CC2D2B: variants seen among roughly 807,000 people sequenced by gnomAD.
CC2D2B encodes coiled-coil and C2 domain containing 2B, also known as protein CC2D2B.
Under a neutral mutation model 161.2 loss-of-function variants are expected in CC2D2B, and 128 were observed. The ratio of observed to expected loss-of-function variants is 0.79; its 90% confidence interval spans 0.69 to 0.92. The LOEUF (loss-of-function observed/expected upper bound fraction) is 0.92, where lower values mean the gene tolerates loss of function less well. CC2D2B is among the 40% of genes least tolerant of loss of function. CC2D2B has a pLI of 0.00. For missense variants in CC2D2B, 1,173 were observed against 1,375.1 expected (o/e 0.85, Z 2.32); for synonymous variants, 391 against 449.8 (o/e 0.87, Z 1.65).
chr10:96,013,117 TAGA>T (rs1423635346), intron 28 of CC2D2B, among the ~76,000 whole-genome samples: 1 of 152,212 alleles, frequency 6.6e-6, no homozygotes. Context: ...GTCACCAGTG[TAGA>T]AGGTCATAAT....
chr10:96,013,682 A>G, intron 28 of CC2D2B, 106 bp from the exon 29 acceptor site: 1 of 594,216 alleles, frequency 1.7e-6, no homozygotes, highest in Non-Finnish European at 2.9e-6. Flanking sequence ...AATAGTGTCT[A>G]CTTTTATAGG....
rs2080091253 is a variant in CC2D2B, at chr10:96,032,202, A to T, written c.*194A>T. ...GAGTCTTTGAGGAGGAGTCTAGATG[A>T]GCTTCTCACCAGAGACCTCTCCAGG... On this transcript the variant is annotated 3_prime_UTR_variant, in exon 35 of 35. Transcript: ENST00000646931. 3.7e-6 allele frequency: 2 copies of T among 537,528 alleles called. No individual in the cohort carries two copies. Among genetic ancestry groups the T allele is most frequent in the African/African-American group, 3.8e-5 (2 of 53,068 alleles). The allele number at this position is 537,528 out of a possible 1,614,324, so 33.3% of individuals were successfully genotyped here. A position where few individuals can be genotyped will look rare whatever the true frequency, so the allele number is the denominator to read the frequency against.
intron 22 of CC2D2B, among the ~76,000 whole-genome samples, chr10:95,993,946 G>GTATATATA (rs1424075597): frequency 2.8e-4 from 8 of 29,000 alleles, no homozygotes; most frequent in Non-Finnish European, 6.7e-4. Context: ...GTGTGTGTAT[G>GTATATATA]TATGTGTATA....
At chr10:96,029,282 A>ATATG (rs1302615928) in intron 34 of CC2D2B, among the ~76,000 whole-genome samples, 3 of 53,262 alleles carry the variant, frequency 5.6e-5, no homozygotes, top group Admixed American at 2.1e-4. Flanking sequence ...ATATATATAT[A>ATATG]TATGTATATA....
chr10:95,993,184 C>T (rs1036356430), intron 22 of CC2D2B: 1 of 155,164 alleles, frequency 6.4e-6, no homozygotes, highest in African/African-American at 2.4e-5. Context: ...GTAACATCTA[C>T]AAATTGTATG....
In CC2D2B at chr10:95,988,344, TAAC is replaced by T. The variant is rs146564502; in HGVS notation, c.2379+7_2379+9del. On this transcript the variant is annotated splice_donor_5th_base_variant and intron_variant, in intron 20 of 34. Transcript: ENST00000646931. ...AATTCTGCCAATTTTCTGAAAAAGG[TAAC>T]AACACAGTATTATCAATATATTTGC... 0.022 allele frequency: 26,279 copies of T among 1,194,862 alleles called. 519 individuals carry two copies. The highest frequency in any genetic ancestry group is 0.094 in the African/African-American group (5,972 of 63,472). The allele number at this position is 1,194,862 out of a possible 1,614,324, so 74.0% of individuals were successfully genotyped here. A position where few individuals can be genotyped will look rare whatever the true frequency, so the allele number is the denominator to read the frequency against.
intron 34 of CC2D2B, 56 bp downstream of exon 34, chr10:96,027,445 C>A (rs2141971801): frequency 2.4e-6 from 3 of 1,241,316 alleles, no homozygotes; most frequent in Middle Eastern, 2.1e-4. Context: ...TTGTTAATTG[C>A]TAAATAATAG....
intron 2 of CC2D2B, chr10:95,918,885 A>G (rs557471158): frequency 1.2e-4 from 19 of 152,096 alleles, no homozygotes; most frequent in African/African-American, 2.7e-4. Flanking sequence ...TGCTTGATCA[A>G]TTCTAATGTT....
chr10:95,995,086 GAGT>G (rs1417494711), intron 22 of CC2D2B, among the ~76,000 whole-genome samples, 180 bp from the exon 23 acceptor site: 1 of 152,154 alleles, frequency 6.6e-6, no homozygotes, highest in Admixed American at 6.5e-5. Context: ...TGCGCTTCCA[GAGT>G]AGTAATTATC....
intron 12 of CC2D2B, among the ~76,000 whole-genome samples, chr10:95,964,486 TGTC>T (rs2076873472): frequency 6.6e-6 from 1 of 152,158 alleles, no homozygotes; most frequent in South Asian, 2.1e-4. Flanking sequence ...AGTTTACTGA[TGTC>T]GTATTGATTG....
At chr10:95,962,716 A>G (rs1023288994) in intron 12 of CC2D2B, among the ~76,000 whole-genome samples, 2 of 151,942 alleles carry the variant, frequency 1.3e-5, no homozygotes, top group Non-Finnish European at 2.9e-5. Context: ...ATTTCAGGCA[A>G]ATAAGAAAAA....
chr10:95,992,563 A>G lies in CC2D2B; in HGVS notation c.2508A>G (p.Pro836=). 8.1e-7 allele frequency: 1 copy of G among 1,234,264 alleles called. No individual in the cohort carries two copies. Among genetic ancestry groups the G allele is most frequent in the South Asian group, 4.1e-5 (1 of 24,410 alleles). The allele number at this position is 1,234,264 out of a possible 1,614,324, so 76.5% of individuals were successfully genotyped here. A position where few individuals can be genotyped will look rare whatever the true frequency, so the allele number is the denominator to read the frequency against. Residue 836 remains proline, a synonymous_variant, in exon 22 of 35, where the codon CCA becomes CCG. Transcript: ENST00000646931. ...LTDAVCKFVE[P]RRKLKPQRKE... ...ATGCAGTTTGTAAGTTTGTTGAACC[A>G]CGGAGAAAGTTAAAACCTCAGAGGA...
chr10:95,994,963 A>G (rs2078174070), intron 22 of CC2D2B, among the ~76,000 whole-genome samples: 1 of 152,170 alleles, frequency 6.6e-6, no homozygotes, highest in African/African-American at 2.4e-5. Context: ...CCCACAATAT[A>G]TATTTTAATT....
At chr10:95,961,540 A>G (rs192146290) in intron 11 of CC2D2B, 9 of 189,390 alleles carry the variant, frequency 4.8e-5, no homozygotes, top group African/African-American at 1.6e-4. Context: ...AGAAAAAAAA[A>G]TCTCGTAGAA....
intron 9 of CC2D2B, among the ~76,000 whole-genome samples, chr10:95,947,082 A>AAAATATATATAT (rs1467752343): frequency 2.5e-5 from 1 of 39,482 alleles, no homozygotes; most frequent in African/African-American, 8.9e-5. Context: ...TGGACTCAAA[A>AAAATATATATAT]ATATATATAT....
chr10:96,003,584 A>G (rs1417245005), intron 24 of CC2D2B, among the ~76,000 whole-genome samples: 2 of 68,668 alleles, frequency 2.9e-5, no homozygotes, highest in African/African-American at 1.3e-4. Flanking sequence ...AGGCCCGGCT[A>G]ATTGTGTGTG....
intron 22 of CC2D2B, among the ~76,000 whole-genome samples, chr10:95,994,947 C>T (rs1182133472): frequency 6.6e-6 from 1 of 152,136 alleles, no homozygotes; most frequent in Non-Finnish European, 1.5e-5. Flanking sequence ...CCTGGGTAAT[C>T]CTCCACCCAC....
At chr10:95,958,748 AG>A (rs1272596528) in intron 11 of CC2D2B, among the ~76,000 whole-genome samples, 2 of 152,132 alleles carry the variant, frequency 1.3e-5, no homozygotes, top group Non-Finnish European at 2.9e-5. Context: ...ACAGAGCCTA[AG>A]AGACCTGTGG....
intron 22 of CC2D2B, among the ~76,000 whole-genome samples, chr10:95,994,216 C>T (rs369769808): frequency 2.4e-4 from 36 of 151,250 alleles, no homozygotes; most frequent in East Asian, 2.3e-3. Context: ...GAGGGTGAGT[C>T]GTCCAAGTGA....
Sources: gnomAD v4.1 joint callset for allele counts (sites outside exome capture counted in the v4.1 genomes callset) on GRCh38, gnomAD v4.1.1 for gene constraint, MANE v1.5 for transcripts, NCBI Gene and HGNC (gene_info 2026-07-23, HGNC 2026-07-21) for gene names.